CUX1: variants seen among roughly 807,000 people sequenced by gnomAD.
The protein encoded by CUX1 is protein CASP.
Under a neutral mutation model 158.8 loss-of-function variants are expected in CUX1, and 31 were observed. The ratio of observed to expected loss-of-function variants is 0.20; its 90% CI spans 0.15 to 0.26. The LOEUF is 0.26. Among genes scored for constraint, CUX1 ranks in the 10% least tolerant of loss-of-function variants. The probability of loss-of-function intolerance (pLI) is 1.00; values close to 1 mark genes in which losing one functional copy is unlikely to be tolerated. For synonymous variants in CUX1, 879 were observed against 862.1 expected, an observed-to-expected ratio of 1.02 and a Z score of -0.34; for missense variants, 1,589 against 2,014.6, an observed-to-expected ratio of 0.79 and a Z score of 4.04.
chr7:102,150,719 A>G (rs1275468351), intron 8 of CUX1, among the ~76,000 whole-genome samples: 2 of 152,228 alleles, frequency 1.3e-5, no homozygotes, highest in African/African-American at 4.8e-5. Flanking sequence ...GACCTTGACC[A>G]TGTCCTTTTC....
At chr7:101,921,640 T>G (rs1362081399) in intron 2 of CUX1, among the ~76,000 whole-genome samples, 2 of 152,062 alleles carry the variant, frequency 1.3e-5, no homozygotes, top group Non-Finnish European at 2.9e-5. Flanking sequence ...TTTTGTATTT[T>G]TAGTAGAGAC....
intron 14 of CUX1, among the ~76,000 whole-genome samples, chr7:102,263,636 A>G (rs1356859481): frequency 1.3e-5 from 2 of 151,410 alleles, no homozygotes; most frequent in Non-Finnish European, 2.9e-5. Flanking sequence ...AAAGTTTTAA[A>G]TCGGGTGGTC....
intron 8 of CUX1, among the ~76,000 whole-genome samples, chr7:102,131,373 G>T (rs1554497115): frequency 6.6e-6 from 1 of 151,994 alleles, no homozygotes; most frequent in African/African-American, 2.4e-5. Flanking sequence ...TGCTCAATTG[G>T]CCAGGTGCAG....
chr7:102,166,262 A>G (rs1554508740), intron 9 of CUX1, among the ~76,000 whole-genome samples: 1 of 152,208 alleles, frequency 6.6e-6, no homozygotes, highest in African/African-American at 2.4e-5. Flanking sequence ...TTCTAGCATC[A>G]ACTCTGATTT....
chr7:101,875,595 T>G (rs985441317), intron 1 of CUX1, among the ~76,000 whole-genome samples: 1 of 152,178 alleles, frequency 6.6e-6, no homozygotes, highest in African/African-American at 2.4e-5. Flanking sequence ...TTTGCTGTTT[T>G]AGCTGTGGTG....
intron 8 of CUX1, among the ~76,000 whole-genome samples, chr7:102,118,813 A>G (rs1554492581): frequency 6.6e-6 from 1 of 152,130 alleles, no homozygotes; most frequent in African/African-American, 2.4e-5. Context: ...GTGCAGTGGC[A>G]CGATCTTGGC....
At chr7:102,038,510 G>A (rs547032766) in intron 3 of CUX1, among the ~76,000 whole-genome samples, 44 of 152,314 alleles carry the variant, frequency 2.9e-4, no homozygotes, top group Non-Finnish European at 5.3e-4. Context: ...TCATCTGCAA[G>A]TTATTCCTCC....
At chr7:102,172,852 A>G (rs1271682179) in intron 10 of CUX1, among the ~76,000 whole-genome samples, 1 of 152,224 alleles carries the variant, frequency 6.6e-6, no homozygotes, top group East Asian at 1.9e-4. Flanking sequence ...ACTTGAGGCC[A>G]GGAGTTTGAG....
At chr7:102,149,986 A>T (rs998173974) in intron 8 of CUX1, among the ~76,000 whole-genome samples, 11 of 152,230 alleles carry the variant, frequency 7.2e-5, no homozygotes, top group African/African-American at 2.7e-4. Flanking sequence ...AGAGCAGGTC[A>T]TCACGTGCAG....
At chr7:102,076,890 TG>T (rs1554476845) in intron 4 of CUX1, among the ~76,000 whole-genome samples, 1 of 151,536 alleles carries the variant, frequency 6.6e-6, no homozygotes, top group African/African-American at 2.4e-5. Context: ...AAAAGTTAGC[TG>T]GGCATGGTGG....
chr7:101,929,468 G>A (rs932783649), intron 2 of CUX1, among the ~76,000 whole-genome samples: 2 of 152,162 alleles, frequency 1.3e-5, no homozygotes, highest in Non-Finnish European at 2.9e-5. Flanking sequence ...AATGGAGAAC[G>A]TCATTCTGTG....
chr7:102,241,817 A>G (rs933973511), intron 23 of CUX1, among the ~76,000 whole-genome samples: 9 of 152,232 alleles, frequency 5.9e-5, no homozygotes, highest in Non-Finnish European at 1.0e-4. Flanking sequence ...GACAAAATCC[A>G]GGATTAGCCA....
intron 1 of CUX1, among the ~76,000 whole-genome samples, chr7:101,886,785 G>A (rs534851385): frequency 1.6e-4 from 24 of 152,056 alleles, no homozygotes; most frequent in Non-Finnish European, 3.1e-4. Context: ...GGCTGGGCAC[G>A]GCCACCTGCT....
chr7:101,867,823 T>G (rs533859705), intron 1 of CUX1, among the ~76,000 whole-genome samples: 27 of 152,112 alleles, frequency 1.8e-4, no homozygotes, highest in Non-Finnish European at 3.4e-4. Flanking sequence ...GCAACTTTTT[T>G]TTTTTTTCTG....
intron 5 of CUX1, among the ~76,000 whole-genome samples, chr7:102,099,867 G>T (rs559720587): frequency 1.3e-5 from 2 of 151,972 alleles, no homozygotes; most frequent in East Asian, 3.9e-4. Flanking sequence ...CTTCCCAGTG[G>T]CCAGGGCTTT....
intron 9 of CUX1, among the ~76,000 whole-genome samples, chr7:102,168,630 C>G (rs1309265265): frequency 2.5e-5 from 3 of 121,624 alleles, no homozygotes; most frequent in South Asian, 2.7e-4. Context: ...GGCGACAGAG[C>G]GAGGCTCTGT....
At chr7:101,845,223 CA>C (rs1448563437) in intron 1 of CUX1, among the ~76,000 whole-genome samples, 1 of 151,918 alleles carries the variant, frequency 6.6e-6, no homozygotes, top group Admixed American at 6.5e-5. Flanking sequence ...TGGGCTCAAG[CA>C]GTCCTCCTGC....
rs1332189366 is a variant in CUX1, at chr7:102,266,463, G to T, written c.1256-6903G>T. 2.0e-5 allele frequency among the ~76,000 whole-genome samples: 3 copies of T among 151,902 alleles called. No individual in the cohort carries two copies. The South Asian group carries it at 6.2e-4, about 32-fold the overall frequency. On this transcript the variant is annotated intron_variant, in intron 14 of 22. Transcript: ENST00000292538. ...CAGGCTGAAATTCAGACCTGTGAAG[G>T]TTGAAATGCCAGTAGAAGATCAAGT...
chr7:102,073,420 G>A (rs1475707546), intron 4 of CUX1, among the ~76,000 whole-genome samples: 1 of 152,158 alleles, frequency 6.6e-6, no homozygotes, highest in African/African-American at 2.4e-5. Context: ...TGATCCGCCT[G>A]CCTCAGCCTC....
Sources: gnomAD v4.1 joint callset for allele counts (sites outside exome capture counted in the v4.1 genomes callset) on GRCh38, gnomAD v4.1.1 for gene constraint, MANE v1.5 for transcripts, NCBI Gene and HGNC (gene_info 2026-07-23, HGNC 2026-07-21) for gene names.